LHFPL6: variants seen among roughly 807,000 people sequenced by gnomAD.
The protein encoded by LHFPL6 is LHFPL tetraspan subfamily member 6, also known as LHFPL tetraspan subfamily member 6 protein.
In LHFPL6, 9 loss-of-function variants were observed where a neutral mutation model predicts 20.6. That is an observed-to-expected ratio of 0.44 (90% CI 0.26 to 0.76). LHFPL6 has a LOEUF of 0.76. Ranked by LOEUF, LHFPL6 falls within the 30% of genes least tolerant of loss-of-function variation. The pLI, the probability that LHFPL6 is intolerant of heterozygous loss-of-function variation, is 0.20. For missense variants in LHFPL6, 218 were observed against 253.5 expected (o/e 0.86, Z 0.95); for synonymous variants, 105 against 98.7 (o/e 1.06, Z -0.38).
At chr13:39,368,450 T>C (rs938640554) in intron 3 of LHFPL6, among the ~76,000 whole-genome samples, 1 of 151,982 alleles carries the variant, frequency 6.6e-6, no homozygotes, top group Non-Finnish European at 1.5e-5. Context: ...GGTCTGGTGG[T>C]GCACGCCTGT....
In LHFPL6 at chr13:39,594,875, C is replaced by A. The variant is rs1033025344; in HGVS notation, c.385+5957G>T. Among the ~76,000 whole-genome samples, 6 of 152,210 alleles carry A rather than the reference C, an allele frequency of 3.9e-5. No homozygotes were observed. The East Asian group carries it at 7.7e-4, about 20-fold the overall frequency. ...AGCAAACGATCGCAAGGACAAAAAA[C>A]CAAACACCGCATGTTCTCACTCATA... On this transcript the variant is annotated intron_variant, in intron 2 of 3. Transcript: ENST00000379589.
chr13:39,563,949 CTTG>C (rs991928005), intron 2 of LHFPL6, among the ~76,000 whole-genome samples: 1 of 152,054 alleles, frequency 6.6e-6, no homozygotes, highest in East Asian at 1.9e-4. Flanking sequence ...AGAATAGACA[CTTG>C]TTGTATATCC....
At chr13:39,424,284 T>TGAATCACACAATAAAGGAATAAAG (rs1163243002) in intron 2 of LHFPL6, among the ~76,000 whole-genome samples, 3 of 152,174 alleles carry the variant, frequency 2.0e-5, no homozygotes, top group African/African-American at 7.2e-5. Flanking sequence ...TCTTAGGGTC[T>TGAATCACACAATAAAGGAATAAAG]GAATCACACA....
At chr13:39,396,262 G>A (rs1248383696) in intron 2 of LHFPL6, among the ~76,000 whole-genome samples, 1 of 152,056 alleles carries the variant, frequency 6.6e-6, no homozygotes, top group African/African-American at 2.4e-5. Flanking sequence ...GGCTGCACCT[G>A]ATATTGTATA....
intron 2 of LHFPL6, among the ~76,000 whole-genome samples, chr13:39,428,694 T>C (rs1281835485): frequency 6.6e-6 from 1 of 152,200 alleles, no homozygotes; most frequent in Non-Finnish European, 1.5e-5. Flanking sequence ...CCTGTTTCTA[T>C]TTCATTGATT....
At position 39,368,451 on chromosome 13, in the gene LHFPL6, G is replaced by A. The variant is rs140839964; in HGVS notation, c.484+9977C>T. Reference sequence around the variant, plus strand: ...ACAAAAATTAGCTGGGTCTGGTGGTGCACGCCTGTAGTCCCAGCAACTCTG... The same window carrying A: ...ACAAAAATTAGCTGGGTCTGGTGGTACACGCCTGTAGTCCCAGCAACTCTG... On this transcript the variant is annotated intron_variant, in intron 3 of 3. Transcript: ENST00000379589. 4.6e-5 allele frequency among the ~76,000 whole-genome samples: 7 copies of A among 152,126 alleles called. No homozygotes were observed. In the East Asian group the frequency reaches 1.4e-3, roughly 29 times the overall value.
chr13:39,478,409 A>T (rs1358868520), intron 2 of LHFPL6, among the ~76,000 whole-genome samples: 1 of 152,218 alleles, frequency 6.6e-6, no homozygotes, highest in African/African-American at 2.4e-5. Context: ...ATGAGCACAC[A>T]AACATTCCTA....
intron 2 of LHFPL6, among the ~76,000 whole-genome samples, chr13:39,582,140 A>C (rs1160795066): frequency 2.6e-5 from 4 of 152,190 alleles, no homozygotes; most frequent in Non-Finnish European, 5.9e-5. Flanking sequence ...CCTCCTGTAG[A>C]CACATCAGTC....
intron 3 of LHFPL6, among the ~76,000 whole-genome samples, chr13:39,344,271 A>C (rs1437479986): frequency 6.6e-6 from 1 of 152,194 alleles, no homozygotes; most frequent in African/African-American, 2.4e-5. Flanking sequence ...TACCTCTCAC[A>C]CGGGCTAAGA....
chr13:39,453,156 T>A (rs1005802181), intron 2 of LHFPL6, among the ~76,000 whole-genome samples: 3 of 152,190 alleles, frequency 2.0e-5, no homozygotes, highest in African/African-American at 7.2e-5. Context: ...AGAGTTGAGG[T>A]CATTCTTGCC....
At chr13:39,435,136 T>A (rs1593311940) in intron 2 of LHFPL6, among the ~76,000 whole-genome samples, 1 of 137,164 alleles carries the variant, frequency 7.3e-6, no homozygotes, top group East Asian at 2.1e-4. Context: ...TGTGACAAAA[T>A]GAGAAATATG....
chr13:39,586,175 A>G (rs1012389126), intron 2 of LHFPL6, among the ~76,000 whole-genome samples: 34 of 150,634 alleles, frequency 2.3e-4, no homozygotes, highest in South Asian at 4.2e-4. Context: ...TTGTGTGTAT[A>G]TATATATATA....
chr13:39,515,094 T>C lies in LHFPL6; in HGVS notation c.385+85738A>G, dbSNP rs563948822. On this transcript the variant is annotated intron_variant, in intron 2 of 3. Transcript: ENST00000379589. ...TGATGAGACCTGAATCCCCTTTAAG[T>C]GGAGTGGCTGTACCTCTAACAGCTC... Among the ~76,000 whole-genome samples the C allele has an allele frequency of 1.8e-4, 28 of 152,342 alleles. No individual in the cohort carries two copies. In the South Asian group the frequency reaches 5.4e-3, roughly 29 times the overall value.
At chr13:39,526,034 C>T (rs7139592) in intron 2 of LHFPL6, among the ~76,000 whole-genome samples, 119,303 of 152,114 alleles carry the variant, frequency 0.78, 46,890 homozygotes, top group Middle Eastern at 0.84. Flanking sequence ...AAGGCTCTCA[C>T]CTTCCTCCTA....
chr13:39,521,988 C>T (rs551935814), intron 2 of LHFPL6, among the ~76,000 whole-genome samples: 145 of 152,214 alleles, frequency 9.5e-4, no homozygotes, highest in Middle Eastern at 3.4e-3. Flanking sequence ...ATTGGCTTCC[C>T]GATTGCTTTC....
At chr13:39,563,410 G>A (rs999474817) in intron 2 of LHFPL6, among the ~76,000 whole-genome samples, 10 of 152,064 alleles carry the variant, frequency 6.6e-5, no homozygotes, top group Non-Finnish European at 1.5e-4. Flanking sequence ...CTTGTGCACA[G>A]GAAAAAAGCA....
At chr13:39,493,954 T>C (rs1278641826) in intron 2 of LHFPL6, among the ~76,000 whole-genome samples, 1 of 152,224 alleles carries the variant, frequency 6.6e-6, no homozygotes, top group Non-Finnish European at 1.5e-5. Context: ...CTACATGTTT[T>C]CATCCCTCTT....
chr13:39,535,010 A>G (rs569289247), intron 2 of LHFPL6, among the ~76,000 whole-genome samples: 2 of 152,282 alleles, frequency 1.3e-5, no homozygotes, highest in African/African-American at 2.4e-5. Flanking sequence ...CCTCTAGAGG[A>G]TGATCTTTCC....
At chr13:39,479,898 C>T (rs1323298791) in intron 2 of LHFPL6, among the ~76,000 whole-genome samples, 2 of 152,142 alleles carry the variant, frequency 1.3e-5, no homozygotes, top group Non-Finnish European at 1.5e-5. Flanking sequence ...GTGCCAGGGC[C>T]GGGTGTACCC....
Sources: allele counts gnomAD v4.1 joint callset (sites outside exome capture counted in the v4.1 genomes callset), GRCh38; gene constraint gnomAD v4.1.1; transcripts MANE v1.5; gene names NCBI Gene and HGNC (gene_info 2026-07-23, HGNC 2026-07-21).